The following NR3C2 variants were observed in gnomAD, a reference collection of about 807,000 sequenced individuals.
NR3C2 encodes nuclear receptor subfamily 3 group C member 2.
NR3C2 carries 15 observed loss-of-function variants against 86.4 expected under a neutral mutation model. The observed-to-expected ratio is 0.17, with a 90% CI of 0.12 to 0.27. The LOEUF is 0.27. Among genes scored for constraint, NR3C2 ranks in the 10% least tolerant of loss-of-function variants. The pLI is 1.00. For missense variants in NR3C2, 960 were observed against 1,195.6 expected (o/e 0.80, Z 2.91); for synonymous variants, 458 against 450.5 (o/e 1.02, Z -0.21).
chr4:148,152,420 C>T (rs763822774), intron 6 of NR3C2, 49 bp downstream of exon 6: 43 of 1,573,120 alleles, frequency 2.7e-5, no homozygotes, highest in African/African-American at 5.4e-5. Flanking sequence ...GAAATCATAA[C>T]GCATAACTCT....
intron 2 of NR3C2, among the ~76,000 whole-genome samples, chr4:148,310,389 T>C (rs910414204): frequency 5.9e-5 from 9 of 152,190 alleles, no homozygotes; most frequent in African/African-American, 2.2e-4. Context: ...CAAATGCAAG[T>C]GAACCTTTAG....
intron 4 of NR3C2, among the ~76,000 whole-genome samples, chr4:148,155,463 C>T (rs999381899): frequency 1.3e-5 from 2 of 152,074 alleles, no homozygotes; most frequent in Non-Finnish European, 2.9e-5. Flanking sequence ...TTCTTATACA[C>T]CAATAACAGA....
chr4:148,249,669 T>G (rs911492397), intron 3 of NR3C2, among the ~76,000 whole-genome samples: 1 of 152,210 alleles, frequency 6.6e-6, no homozygotes, highest in Admixed American at 6.5e-5. Flanking sequence ...CTTATACCTG[T>G]AAGGAGAAAA....
chr4:148,200,220 C>T (rs1271046011), intron 3 of NR3C2, among the ~76,000 whole-genome samples: 2 of 152,212 alleles, frequency 1.3e-5, no homozygotes, highest in Middle Eastern at 3.2e-3. Flanking sequence ...CAATGCCCTG[C>T]GGGCTCCAGT....
chr4:148,405,282 T>G (rs1376627169), intron 2 of NR3C2, among the ~76,000 whole-genome samples: 1 of 152,142 alleles, frequency 6.6e-6, no homozygotes, highest in Non-Finnish European at 1.5e-5. Context: ...CTCTCAAGGG[T>G]AAAGATATCT....
At chr4:148,257,123 C>T (rs961215057) in intron 3 of NR3C2, among the ~76,000 whole-genome samples, 2 of 152,104 alleles carry the variant, frequency 1.3e-5, no homozygotes, top group African/African-American at 4.8e-5. Context: ...AAATGACTTC[C>T]CTCAAATCAG....
intron 2 of NR3C2, among the ~76,000 whole-genome samples, chr4:148,364,742 G>T (rs889750968): frequency 1.3e-5 from 2 of 151,958 alleles, no homozygotes; most frequent in African/African-American, 4.8e-5. Flanking sequence ...ACTGTCCAAG[G>T]TCACACAGTG....
intron 1 of NR3C2, among the ~76,000 whole-genome samples, chr4:148,440,907 C>CT (rs899302294): frequency 6.6e-6 from 1 of 152,156 alleles, no homozygotes; most frequent in Non-Finnish European, 1.5e-5. Context: ...GAAAAGGCAT[C>CT]TTTTTTATAT....
At chr4:148,421,320 T>C (rs1397431534) in intron 2 of NR3C2, among the ~76,000 whole-genome samples, 1 of 152,232 alleles carries the variant, frequency 6.6e-6, no homozygotes, top group Non-Finnish European at 1.5e-5. Flanking sequence ...TGTGCACTGT[T>C]GTTTGTTATA....
At chr4:148,315,272 C>T (rs181678753) in intron 2 of NR3C2, among the ~76,000 whole-genome samples, 6 of 152,264 alleles carry the variant, frequency 3.9e-5, no homozygotes, top group East Asian at 1.9e-4. Context: ...CACAGCCACT[C>T]TTGGTGGTTG....
intron 3 of NR3C2, among the ~76,000 whole-genome samples, chr4:148,237,349 G>A (rs1738796002): frequency 6.6e-6 from 1 of 152,130 alleles, no homozygotes; most frequent in South Asian, 2.1e-4. Context: ...CCACCTGGAG[G>A]TGCTCCCCAA....
intron 3 of NR3C2, among the ~76,000 whole-genome samples, chr4:148,242,066 T>C (rs186707283): frequency 5.9e-4 from 90 of 152,210 alleles, no homozygotes; most frequent in African/African-American, 2.1e-3. Context: ...GATTTAAGTG[T>C]TTAATAGGTA....
At chr4:148,426,425 A>G (rs1414635158) in intron 2 of NR3C2, among the ~76,000 whole-genome samples, 1 of 152,236 alleles carries the variant, frequency 6.6e-6, no homozygotes, top group Admixed American at 6.5e-5. Flanking sequence ...GTTACTAGCT[A>G]CTTTGTATGA....
chr4:148,363,929 AAAG>A (rs751870057), intron 2 of NR3C2, among the ~76,000 whole-genome samples: 1 of 152,208 alleles, frequency 6.6e-6, no homozygotes, highest in Admixed American at 6.5e-5. Flanking sequence ...AGAAAATTCT[AAAG>A]AAGATCTCAC....
rs1426421481 is a variant in NR3C2 at position 148,197,511 on chromosome 4, A to C, written c.1898-2649T>G. Among the ~76,000 whole-genome samples the C allele has an allele frequency of 3.3e-5, 5 of 152,276 alleles. No homozygotes were observed. The South Asian group carries it at 8.3e-4, about 25-fold the overall frequency. On this transcript the variant is annotated intron_variant, in intron 3 of 8. Transcript: ENST00000358102. ...TGTGAATTTTCAGTAAATGTAACTA[A>C]GACTTTTTAGATTGTAGGCATACAG...
chr4:148,164,644 C>A (rs61757912), intron 4 of NR3C2, among the ~76,000 whole-genome samples: 122 of 152,272 alleles, frequency 8.0e-4, no homozygotes, highest in Admixed American at 1.4e-3. Context: ...AAAGTTAATT[C>A]TTTAACAGCT....
chr4:148,147,638 T>C (rs1434145176), intron 6 of NR3C2, among the ~76,000 whole-genome samples: 2 of 152,088 alleles, frequency 1.3e-5, no homozygotes, highest in African/African-American at 4.8e-5. Flanking sequence ...TGGGAGGTGG[T>C]ATAAACAGCC....
chr4:148,135,331 A>G (rs1039095478), intron 6 of NR3C2, among the ~76,000 whole-genome samples: 1 of 152,094 alleles, frequency 6.6e-6, no homozygotes, highest in East Asian at 1.9e-4. Context: ...GGGCCTTTAT[A>G]AAAGGGGTTG....
chr4:148,238,040 GCTT>G (rs1344858056), intron 3 of NR3C2, among the ~76,000 whole-genome samples: 2 of 152,070 alleles, frequency 1.3e-5, no homozygotes, highest in African/African-American at 4.8e-5. Flanking sequence ...CATCAAATAT[GCTT>G]CTTTTTTCCT....
Sources: allele counts gnomAD v4.1 joint callset (sites outside exome capture counted in the v4.1 genomes callset), GRCh38; gene constraint gnomAD v4.1.1; transcripts MANE v1.5; gene names NCBI Gene and HGNC (gene_info 2026-07-23, HGNC 2026-07-21).